The following ACTR3C variants were observed in gnomAD, a reference collection of about 807,000 sequenced individuals.
The protein encoded by ACTR3C is actin-related protein 3C.
A neutral mutation model predicts 26.3 loss-of-function variants in ACTR3C; 18 were observed. The observed-to-expected ratio is 0.68, with a 90% CI of 0.47 to 1.01. ACTR3C has a LOEUF of 1.01. Among genes scored for constraint, ACTR3C ranks in the 50% least tolerant of loss-of-function variants. ACTR3C has a pLI of 0.00. For missense variants in ACTR3C, 184 were observed against 250.7 expected, an observed-to-expected ratio of 0.73 and a Z score of 1.80; for synonymous variants, 55 against 94.5, an observed-to-expected ratio of 0.58 and a Z score of 2.42.
chr7:149,943,529 C>G, the ACTR3C span, among the ~76,000 whole-genome samples: 2 of 151,272 alleles, frequency 1.3e-5, no homozygotes. Flanking sequence ...GAGTTTGAGA[C>G]CAGCCTGACC....
the ACTR3C span, among the ~76,000 whole-genome samples, chr7:150,173,168 C>G: frequency 6.7e-6 from 1 of 150,308 alleles, no homozygotes; most frequent in African/African-American, 2.5e-5. Context: ...CCACATTTCC[C>G]TCTGCACTGC....
At chr7:150,071,735 T>A in the ACTR3C span, among the ~76,000 whole-genome samples, 1,736 of 151,206 alleles carry the variant, frequency 0.011, 35 homozygotes, top group African/African-American at 0.04. Context: ...GAAAAGGGCC[T>A]CCCATAAGTA....
the ACTR3C span, among the ~76,000 whole-genome samples, chr7:149,942,999 G>A: frequency 1.3e-5 from 2 of 152,018 alleles, no homozygotes; most frequent in Non-Finnish European, 1.5e-5. Context: ...CAAAGATACT[G>A]TTGGTGTCAT....
At chr7:150,034,679 G>C in the ACTR3C span, among the ~76,000 whole-genome samples, 3 of 151,668 alleles carry the variant, frequency 2.0e-5, no homozygotes, top group Admixed American at 6.6e-5. Flanking sequence ...GGTACCTGCC[G>C]TCGGAAGATT....
At chr7:149,886,845 A>C in the ACTR3C span, among the ~76,000 whole-genome samples, 3 of 152,066 alleles carry the variant, frequency 2.0e-5, no homozygotes, top group Non-Finnish European at 2.9e-5. Flanking sequence ...CTGTAGTCCC[A>C]GCTACTCAGG....
At chr7:150,135,041 G>A in the ACTR3C span, among the ~76,000 whole-genome samples, 1 of 152,258 alleles carries the variant, frequency 6.6e-6, no homozygotes, top group Non-Finnish European at 1.5e-5. Flanking sequence ...TGATCCGCCT[G>A]TCTCGGCCTC....
At chr7:150,159,840 C>T in the ACTR3C span, among the ~76,000 whole-genome samples, 2 of 151,996 alleles carry the variant, frequency 1.3e-5, no homozygotes, top group Non-Finnish European at 2.9e-5. Flanking sequence ...GCTCTGTGGC[C>T]CAGGCTCACA....
At chr7:149,966,341 C>A in the ACTR3C span, among the ~76,000 whole-genome samples, 1 of 152,162 alleles carries the variant, frequency 6.6e-6, no homozygotes, top group African/African-American at 2.4e-5. Context: ...AGGTAAAACA[C>A]AATGATGTGC....
chr7:149,990,800 T>C, the ACTR3C span, among the ~76,000 whole-genome samples: 4 of 152,228 alleles, frequency 2.6e-5, no homozygotes, highest in African/African-American at 9.6e-5. Flanking sequence ...CCATTGGGCC[T>C]GTGGAGATGG....
the ACTR3C span, among the ~76,000 whole-genome samples, chr7:150,102,772 C>A: frequency 1.3e-5 from 2 of 151,944 alleles, no homozygotes; most frequent in East Asian, 3.9e-4. Flanking sequence ...CTCCTTGTTC[C>A]TCCCTTGATT....
At chr7:149,996,063 T>G in the ACTR3C span, among the ~76,000 whole-genome samples, 2 of 151,888 alleles carry the variant, frequency 1.3e-5, no homozygotes, top group East Asian at 3.9e-4. Context: ...GGTTAACTGC[T>G]GGCGTGGGGA....
the ACTR3C span, among the ~76,000 whole-genome samples, chr7:150,212,125 T>TTCC: frequency 6.8e-6 from 1 of 147,000 alleles, no homozygotes; most frequent in Non-Finnish European, 1.5e-5. Context: ...ATTACATAAC[T>TTCC]TCCTCCATCT....
chr7:149,885,662 C>T, the ACTR3C span, among the ~76,000 whole-genome samples: 1 of 152,240 alleles, frequency 6.6e-6, no homozygotes, highest in Non-Finnish European at 1.5e-5. Flanking sequence ...GCATTTTGTC[C>T]TCTGACAAAG....
At chr7:149,987,773 G>A in the ACTR3C span, among the ~76,000 whole-genome samples, 145,499 of 150,452 alleles carry the variant, frequency 0.97, 70,503 homozygotes, top group East Asian at 1. Flanking sequence ...AAATCTCAGT[G>A]AGCAACGCTA....
intron 6 of ACTR3C, among the ~76,000 whole-genome samples, chr7:150,257,303 G>C (rs1833289169): frequency 6.6e-6 from 1 of 152,164 alleles, no homozygotes; most frequent in African/African-American, 2.4e-5. Flanking sequence ...CAGTGGAAGG[G>C]AATGACATAG....
At chr7:150,262,715 C>T (rs571967307) in intron 6 of ACTR3C, among the ~76,000 whole-genome samples, 5 of 152,198 alleles carry the variant, frequency 3.3e-5, no homozygotes, top group Non-Finnish European at 5.9e-5. Flanking sequence ...CTACATCTAA[C>T]ATTTTATGAT....
At chr7:149,892,297 C>T in the ACTR3C span, 36 of 1,582,930 alleles carry the variant, frequency 2.3e-5, no homozygotes, top group Middle Eastern at 1.7e-4. Context: ...GTAGGTTTAT[C>T]GATGGCTTCA....
the ACTR3C span, among the ~76,000 whole-genome samples, chr7:149,997,474 G>A: frequency 6.6e-6 from 1 of 151,980 alleles, no homozygotes; most frequent in Admixed American, 6.6e-5. Context: ...GCTCACTGCT[G>A]TATCCAAGTG....
downstream of ACTR3C, among the ~76,000 whole-genome samples, chr7:150,243,518 TC>T (rs1832296570): frequency 6.6e-6 from 1 of 152,032 alleles, no homozygotes; most frequent in South Asian, 2.1e-4. Context: ...ACTTTTATAA[TC>T]AGGTGTAAAA....
Sources: allele counts gnomAD v4.1 joint callset (sites outside exome capture counted in the v4.1 genomes callset), GRCh38; gene constraint gnomAD v4.1.1; transcripts MANE v1.5; gene names NCBI Gene and HGNC (gene_info 2026-07-23, HGNC 2026-07-21).